The following PLCG1 variants were observed in gnomAD, a reference collection of about 807,000 sequenced individuals.
The protein encoded by PLCG1 is 1-phosphatidylinositol 4,5-bisphosphate phosphodiesterase gamma-1.
A neutral mutation model predicts 177.8 loss-of-function variants in PLCG1; 71 were observed. The observed-to-expected ratio is 0.40, with a 90% CI of 0.33 to 0.49. The LOEUF (loss-of-function observed/expected upper bound fraction) is 0.49. Among genes scored for constraint, PLCG1 ranks in the 20% least tolerant of loss-of-function variants. The pLI is 0.72. For missense variants in PLCG1, 1,281 were observed against 1,709.0 expected, an observed-to-expected ratio of 0.75 and a Z score of 4.42; for synonymous variants, 658 against 647.9, an observed-to-expected ratio of 1.02 and a Z score of -0.24.
Position 41,166,563 on chromosome 20 carries a change from G to A in PLCG1, c.2088G>A (p.Arg696=), listed in dbSNP as rs372843284. The A allele has an allele frequency of 1.2e-6, 2 of 1,614,202 alleles. No homozygotes were observed. The highest frequency in any genetic ancestry group is 3.3e-5 in the Admixed American group (2 of 60,026). ...ATGGGGCCTTCCTGGTGCGGAAGCG[G>A]AATGAACCCAACTCATATGCCATCT... ...PRDGAFLVRK[R]NEPNSYAISF... The change falls in exon 18 of 32, where the codon CGG becomes CGA. Residue 696 remains arginine (R), a synonymous_variant. Coordinates refer to ENST00000685551, the MANE Select transcript of PLCG1 (RefSeq NM_002660.3). This position sits in a 1 kb window ranked among gnomAD's most constrained non-coding sequence, Gnocchi z 8.6.
intron 1 of PLCG1, among the ~76,000 whole-genome samples, chr20:41,149,115 T>A (rs2035085960): frequency 6.6e-6 from 1 of 152,262 alleles, no homozygotes; most frequent in African/African-American, 2.4e-5. Flanking sequence ...GGATGCCAGA[T>A]GCTGCTGTTG....
chr20:41,167,021 T>C lies in PLCG1; in HGVS notation c.2301+162T>C. ...AGCCACAGTGTGGGTACCAGGAGGG[T>C]GTCTGCAGGAGGGGACATCTGAGCA... On this transcript the variant is annotated intron_variant, in intron 19 of 31. Transcript: ENST00000685551. The surrounding 1 kb of genome is among the most constrained non-coding windows in gnomAD (Gnocchi z 4.4). 1.5e-6 allele frequency: 1 copy of C among 662,062 alleles called. No homozygotes were observed. The highest frequency in any genetic ancestry group is 1.8e-5 in the South Asian group (1 of 56,608). The allele number at this position is 662,062 out of a possible 1,614,324, so 41.0% of individuals were successfully genotyped here. A position where few individuals can be genotyped will look rare whatever the true frequency, so the allele number is the denominator to read the frequency against.
intron 5 of PLCG1, 50 bp downstream of exon 5, chr20:41,162,586 G>A: frequency 6.2e-7 from 1 of 1,608,332 alleles, no homozygotes; most frequent in Non-Finnish European, 8.5e-7. Context: ...GAAGCCAAGA[G>A]CCCTTCAGCT....
At chr20:41,161,453 G>A (rs548105944) in intron 4 of PLCG1, among the ~76,000 whole-genome samples, 2 of 152,274 alleles carry the variant, frequency 1.3e-5, no homozygotes, top group East Asian at 3.9e-4. Context: ...CAAGCTGTTC[G>A]TATGCTGATG....
Position 41,172,202 on chromosome 20 carries a change from G to C in PLCG1, c.2818G>C (p.Gly940Arg). 1 of 1,613,304 alleles carries C rather than the reference G, an allele frequency of 6.2e-7. No individual in the cohort carries two copies. Among genetic ancestry groups the C allele is most frequent in the Non-Finnish European group, 8.5e-7 (1 of 1,179,212 alleles). The change falls in exon 25 of 32, where the codon GGG becomes CGG. Residue 940 changes from glycine (G) to arginine (R), a missense_variant. Around this residue, in one of 4 missense-constraint regions of PLCG1, gnomAD observed 723 missense variants for 1,030.0 expected, o/e 0.70. Transcript: ENST00000685551. This position sits in a 1 kb window ranked among gnomAD's most constrained non-coding sequence, Gnocchi z 7.0. ...TTGTGTGTGTCACCAGCTCACTGAA[G>C]GGAAGATAATGGAACGGAGGAAGAA... is the stretch of plus-strand genomic sequence containing the variant. ...AQTADARLTE[G>R]KIMERRKKIA...
intron 1 of PLCG1, among the ~76,000 whole-genome samples, chr20:41,158,560 G>C (rs894611089): frequency 6.6e-6 from 1 of 152,170 alleles, no homozygotes; most frequent in Non-Finnish European, 1.5e-5. Context: ...CATTGGATGG[G>C]CCCCCTCCAT....
chr20:41,158,631 T>C (rs2035397029), intron 1 of PLCG1, among the ~76,000 whole-genome samples: 1 of 152,202 alleles, frequency 6.6e-6, no homozygotes, highest in Non-Finnish European at 1.5e-5. Flanking sequence ...CCAACATCTT[T>C]CTGATGCTAT....
At chr20:41,149,805 G>T (rs1177035074) in intron 1 of PLCG1, among the ~76,000 whole-genome samples, 1 of 152,166 alleles carries the variant, frequency 6.6e-6, no homozygotes, top group Non-Finnish European at 1.5e-5. Flanking sequence ...ACCAGGCAAG[G>T]TTGTGCAGGA....
intron 1 of PLCG1, among the ~76,000 whole-genome samples, chr20:41,145,005 G>C (rs1431420673): frequency 6.6e-6 from 1 of 152,194 alleles, no homozygotes; most frequent in East Asian, 1.9e-4. Context: ...TAAGGTTAGG[G>C]TAGATACAGC....
rs1491358367 is a variant in PLCG1 at position 41,157,202 on chromosome 20, C to CTG, written c.218-2403_218-2402insGT. Among the ~76,000 whole-genome samples the CTG allele has an allele frequency of 6.6e-4, 39 of 59,336 alleles. No individual in the cohort carries two copies. The East Asian group carries it at 0.022, about 33-fold the overall frequency. The allele number at this position is 59,336 out of a possible 152,430, so 38.9% of individuals were successfully genotyped here. A position where few individuals can be genotyped will look rare whatever the true frequency, so the allele number is the denominator to read the frequency against. The stretch of plus-strand genomic sequence containing the variant: ...ATGTGCAGGAGTGCAGGCCTGTTGA[C>CTG]TCTGTGTGTGTGTGTGTGTGTGTGT... On this transcript the variant is annotated intron_variant, in intron 1 of 31. Transcript: ENST00000685551. This position sits in a 1 kb window ranked among gnomAD's most constrained non-coding sequence, Gnocchi z 5.4.
At chr20:41,138,140 T>C in intron 1 of PLCG1, 1 of 286,448 alleles carries the variant, frequency 3.5e-6, no homozygotes, top group Admixed American at 5.3e-5. Context: ...GCTGGAGACC[T>C]GCGGTGCAGG....
intron 4 of PLCG1, among the ~76,000 whole-genome samples, chr20:41,161,653 C>T (rs1488039858): frequency 6.6e-6 from 1 of 152,098 alleles, no homozygotes; most frequent in Non-Finnish European, 1.5e-5. Flanking sequence ...GGCGCTCAGC[C>T]CCCTCGGGGA....
chr20:41,169,233 GC>G, intron 22 of PLCG1, 58 bp downstream of exon 22: 1 of 1,297,384 alleles, frequency 7.7e-7, no homozygotes, highest in Non-Finnish European at 1.1e-6. Context: ...TCCTTGGCAT[GC>G]CCCCATCACA....
chr20:41,165,439 G>A lies in PLCG1; in HGVS notation c.1510-11G>A. The A allele has an allele frequency of 1.2e-6, 2 of 1,613,998 alleles. No individual in the cohort carries two copies. The highest frequency in any genetic ancestry group is 1.7e-6 in the Non-Finnish European group (2 of 1,179,900). On this transcript the variant is annotated splice_polypyrimidine_tract_variant and intron_variant, in intron 14 of 31. Transcript: ENST00000685551. The surrounding 1 kb of genome is among the most constrained non-coding windows in gnomAD (Gnocchi z 6.6). Reference sequence around the variant, plus strand: ...ACCCTGGCTCACAAGTCCCTCTTTGGTCTGTTCCAGGAATGGTATCCCCAC... The same window carrying A: ...ACCCTGGCTCACAAGTCCCTCTTTGATCTGTTCCAGGAATGGTATCCCCAC...
chr20:41,162,773 C>G, intron 6 of PLCG1, 48 bp downstream of exon 6: 4 of 1,483,952 alleles, frequency 2.7e-6, no homozygotes, highest in Non-Finnish European at 3.7e-6. Context: ...TGCTCTTCCA[C>G]CCCACACCCC....
rs1231739438 is a variant in PLCG1, at chr20:41,151,386, C to T, written c.218-8220C>T. ...TGTCTAGAATCTAGACCAAGCTTGT[C>T]CAACTCGCTGCCCGCGGGTCTGGTT... On this transcript the variant is annotated intron_variant, in intron 1 of 31. Transcript: ENST00000685551. This position sits in a 1 kb window ranked among gnomAD's most constrained non-coding sequence, Gnocchi z 5.5. Among the ~76,000 whole-genome samples the T allele has an allele frequency of 6.6e-6, 1 of 152,224 alleles. No homozygotes were observed. Among genetic ancestry groups the T allele is most frequent in the African/African-American group, 2.4e-5 (1 of 41,454 alleles).
At chr20:41,152,747 G>A (rs1323137997) in intron 1 of PLCG1, among the ~76,000 whole-genome samples, 2 of 152,264 alleles carry the variant, frequency 1.3e-5, no homozygotes, top group African/African-American at 4.8e-5. Context: ...TTCTTCCTTG[G>A]AGGAGCTCAT....
rs2036076881 is a variant in PLCG1 at position 41,176,797 on chromosome 20, C to T, written c.*2288C>T. ...CCAGACCTGACAAATGTTGATTGACCCAGAAGGCAGAGTGTTTGTTGGTGG... is the reference window on the plus strand; with the variant it reads ...CCAGACCTGACAAATGTTGATTGACTCAGAAGGCAGAGTGTTTGTTGGTGG... On this transcript the variant is annotated 3_prime_UTR_variant, in exon 32 of 32. Coordinates refer to ENST00000685551, the MANE Select transcript of PLCG1 (RefSeq NM_002660.3). 1 of 149,836 alleles carries T rather than the reference C, an allele frequency of 6.7e-6. No homozygotes were observed. The highest frequency in any genetic ancestry group is 1.5e-5 in the Non-Finnish European group (1 of 66,882). The allele number at this position is 149,836 out of a possible 1,614,324, so 9.3% of individuals were successfully genotyped here.
Position 41,137,924 on chromosome 20 carries a change from C to T in PLCG1, c.217+66C>T. The T allele has an allele frequency of 9.0e-7, 1 of 1,109,990 alleles. No homozygotes were observed. Among genetic ancestry groups the T allele is most frequent in the Non-Finnish European group, 1.2e-6 (1 of 864,906 alleles). The allele number at this position is 1,109,990 out of a possible 1,614,324, so 68.8% of individuals were successfully genotyped here. A position where few individuals can be genotyped will look rare whatever the true frequency, so the allele number is the denominator to read the frequency against. ...GGGTCGTGGGAGCCCGGCCCGACTG[C>T]TTGCACCCCGGCCGGCCGCCCCAGC... On this transcript the variant is annotated intron_variant, in intron 1 of 31. Coordinates refer to ENST00000685551, the MANE Select transcript of PLCG1 (RefSeq NM_002660.3). The surrounding 1 kb of genome is among the most constrained non-coding windows in gnomAD (Gnocchi z 7.3).
Sources: allele counts gnomAD v4.1 joint callset (sites outside exome capture counted in the v4.1 genomes callset), GRCh38; gene constraint gnomAD v4.1.1; regional missense constraint gnomAD v4.1.1; non-coding constraint Gnocchi (gnomAD v3.1); transcripts MANE v1.5; gene names NCBI Gene and HGNC (gene_info 2026-07-23, HGNC 2026-07-21).